Variants in NTNG1 observed in about 807,000 individuals in gnomAD.
NTNG1 encodes the protein netrin-G1.
Under a neutral mutation model 54.0 loss-of-function variants are expected in NTNG1, and 16 were observed. The observed-to-expected ratio is 0.30, with a 90% CI of 0.20 to 0.45. The LOEUF (loss-of-function observed/expected upper bound fraction) is 0.45. Among genes scored for constraint, NTNG1 ranks in the 20% least tolerant of loss-of-function variants. The probability of loss-of-function intolerance (pLI) is 1.00; values close to 1 mark genes in which losing one functional copy is unlikely to be tolerated. For missense variants in NTNG1, 530 were observed against 678.7 expected, an observed-to-expected ratio of 0.78 and a Z score of 2.43; for synonymous variants, 255 against 263.1, an observed-to-expected ratio of 0.97 and a Z score of 0.30.
At chr1:107,474,829 G>A (rs1678208373) in intron 7 of NTNG1, among the ~76,000 whole-genome samples, 1 of 152,164 alleles carries the variant, frequency 6.6e-6, no homozygotes, top group African/African-American at 2.4e-5. Flanking sequence ...GAGCCCTTAT[G>A]AGCTAAACAC....
chr1:107,203,687 T>C (rs1658939326), intron 2 of NTNG1, among the ~76,000 whole-genome samples: 1 of 151,626 alleles, frequency 6.6e-6, no homozygotes, highest in African/African-American at 2.4e-5. Context: ...TGACCTTTGT[T>C]TTATACTTTT....
chr1:107,366,773 G>T (rs1171223773), intron 3 of NTNG1, among the ~76,000 whole-genome samples: 2 of 152,126 alleles, frequency 1.3e-5, no homozygotes, highest in African/African-American at 4.8e-5. Context: ...GTTTTCTTCT[G>T]AAAAATGTAT....
At chr1:107,423,142 T>C (rs896534145) in intron 5 of NTNG1, among the ~76,000 whole-genome samples, 1 of 152,098 alleles carries the variant, frequency 6.6e-6, no homozygotes, top group Non-Finnish European at 1.5e-5. Flanking sequence ...CCTTCATTGC[T>C]CTTAACTGTC....
At chr1:107,385,671 C>A (rs1046189538) in intron 3 of NTNG1, among the ~76,000 whole-genome samples, 3 of 151,904 alleles carry the variant, frequency 2.0e-5, no homozygotes, top group African/African-American at 4.8e-5. Flanking sequence ...CCTAACAACC[C>A]CTTTTGTAGG....
chr1:107,365,364 C>T (rs1260497167), intron 3 of NTNG1, among the ~76,000 whole-genome samples: 1 of 152,086 alleles, frequency 6.6e-6, no homozygotes, highest in African/African-American at 2.4e-5. Context: ...AAAGGGTCAC[C>T]AATGTGGTGA....
chr1:107,282,157 T>G (rs549511849), intron 2 of NTNG1, among the ~76,000 whole-genome samples: 1 of 152,210 alleles, frequency 6.6e-6, no homozygotes, highest in Non-Finnish European at 1.5e-5. Flanking sequence ...AGTGGAAGTT[T>G]TGTTTTCTTT....
At position 107,347,791 on chromosome 1, in the gene NTNG1, C is replaced by T. The variant is rs143063131; in HGVS notation, c.887+22869C>T. Reference sequence around the variant, plus strand: ...GCAGAAAGCAAAGGAGAAGCAGGCACCTTCTTCACAGGGTGGCAGGACGGA... The same window carrying T: ...GCAGAAAGCAAAGGAGAAGCAGGCATCTTCTTCACAGGGTGGCAGGACGGA... On this transcript the variant is annotated intron_variant, in intron 3 of 7. Coordinates refer to ENST00000370068, the MANE Select transcript of NTNG1 (RefSeq NM_001113226.3). Among the ~76,000 whole-genome samples the T allele has an allele frequency of 1.4e-3, 211 of 152,224 alleles. 1 individual carries two copies. Among genetic ancestry groups the T allele is most frequent in the African/African-American group, 4.8e-3 (198 of 41,540 alleles).
intron 2 of NTNG1, among the ~76,000 whole-genome samples, chr1:107,294,333 A>T (rs555597428): frequency 3.3e-5 from 5 of 152,206 alleles, no homozygotes; most frequent in Non-Finnish European, 7.3e-5. Context: ...ACAGCATGGT[A>T]TGAATAAGGC....
intron 2 of NTNG1, among the ~76,000 whole-genome samples, chr1:107,212,100 G>A (rs1659634105): frequency 6.6e-6 from 1 of 151,896 alleles, no homozygotes; most frequent in African/African-American, 2.4e-5. Flanking sequence ...TTTTTTCTTG[G>A]GGGAAAGCAT....
At chr1:107,197,076 G>GTGTAAAACTATTTAT (rs1278563670) in intron 2 of NTNG1, among the ~76,000 whole-genome samples, 1 of 152,056 alleles carries the variant, frequency 6.6e-6, no homozygotes, top group Non-Finnish European at 1.5e-5. Flanking sequence ...TAAAAGTTTA[G>GTGTAAAACTATTTAT]TGTAAAACTA....
At chr1:107,214,444 T>C (rs1570871817) in intron 2 of NTNG1, among the ~76,000 whole-genome samples, 2 of 152,218 alleles carry the variant, frequency 1.3e-5, no homozygotes, top group East Asian at 3.8e-4. Flanking sequence ...GCAAATGTTA[T>C]TGTTTCATTC....
chr1:107,181,069 C>T (rs956675735), intron 2 of NTNG1, among the ~76,000 whole-genome samples: 2 of 152,106 alleles, frequency 1.3e-5, no homozygotes, highest in African/African-American at 4.8e-5. Context: ...GAACTCTTTT[C>T]TAAATATTTT....
chr1:107,416,396 A>ATAT (rs1674206714), intron 5 of NTNG1, among the ~76,000 whole-genome samples: 1 of 152,158 alleles, frequency 6.6e-6, no homozygotes, highest in East Asian at 1.9e-4. Context: ...ACAATACAGA[A>ATAT]GACAATTATA....
At chr1:107,263,272 GCTTC>G (rs58443542) in intron 2 of NTNG1, among the ~76,000 whole-genome samples, 26,367 of 145,994 alleles carry the variant, frequency 0.18, 2,500 homozygotes, top group East Asian at 0.27. Context: ...AGGTTAGCTT[GCTTC>G]CTTCCTTCCT....
chr1:107,419,239 C>CCTCT (rs147796224), intron 5 of NTNG1, among the ~76,000 whole-genome samples: 9,112 of 148,186 alleles, frequency 0.061, 345 homozygotes, highest in Non-Finnish European at 0.081. Context: ...CCTCCTCCCT[C>CCTCT]CTCTCTCTCT....
At chr1:107,451,524 T>A (rs573743115) in intron 7 of NTNG1, among the ~76,000 whole-genome samples, 2 of 152,292 alleles carry the variant, frequency 1.3e-5, no homozygotes, top group Admixed American at 1.3e-4. Flanking sequence ...GGACTCATTG[T>A]CAGGGGTCAG....
intron 3 of NTNG1, among the ~76,000 whole-genome samples, chr1:107,382,102 C>CCCGA (rs34759120): frequency 6.6e-6 from 1 of 151,318 alleles, no homozygotes; most frequent in Non-Finnish European, 1.5e-5. Context: ...CTCTGTTCTC[C>CCCGA]TTGCTGGAAG....
At chr1:107,239,529 C>T (rs1006660711) in intron 2 of NTNG1, among the ~76,000 whole-genome samples, 48 of 152,230 alleles carry the variant, frequency 3.2e-4, no homozygotes, top group African/African-American at 1.1e-3. Context: ...GGATTGCTGT[C>T]TCTTGGCCAG....
chr1:107,361,061 C>CA (rs548194513), intron 3 of NTNG1, among the ~76,000 whole-genome samples: 6 of 143,670 alleles, frequency 4.2e-5, no homozygotes, highest in South Asian at 2.2e-4. Context: ...TACATAGCTC[C>CA]AAAAAAAAGG....
Sources: allele counts gnomAD v4.1 joint callset (sites outside exome capture counted in the v4.1 genomes callset), GRCh38; gene constraint gnomAD v4.1.1; transcripts MANE v1.5; gene names NCBI Gene and HGNC (gene_info 2026-07-23, HGNC 2026-07-21).